Variants in THADA observed in about 807,000 individuals in gnomAD.
The protein encoded by THADA is THADA armadillo repeat containing.
THADA carries 213 observed loss-of-function variants against 219.8 expected under a neutral mutation model. The observed-to-expected ratio is 0.97, with a 90% CI of 0.87 to 1.09. The LOEUF is 1.09. THADA is among the 50% of genes least tolerant of loss of function. The probability of loss-of-function intolerance (pLI) is 0.00; values close to 1 mark genes in which losing one functional copy is unlikely to be tolerated. For missense variants in THADA, 2,956 were observed against 2,311.3 expected (o/e 1.28, Z -5.72); for synonymous variants, 1,018 against 828.9 (o/e 1.23, Z -3.92).
At chr2:43,525,247 A>G (rs114208767) in intron 22 of THADA, among the ~76,000 whole-genome samples, 3,254 of 152,330 alleles carry the variant, frequency 0.021, 43 homozygotes, top group African/African-American at 0.044. Context: ...AACCTCTACT[A>G]TTCACATTCA....
At chr2:43,380,836 C>T (rs754053546) in intron 29 of THADA, among the ~76,000 whole-genome samples, 3 of 152,120 alleles carry the variant, frequency 2.0e-5, no homozygotes, top group Admixed American at 6.5e-5. Flanking sequence ...CGGTGGCTCA[C>T]GCCTGTAATC....
At chr2:43,518,012 A>T (rs1338281730) in intron 22 of THADA, among the ~76,000 whole-genome samples, 3 of 152,168 alleles carry the variant, frequency 2.0e-5, no homozygotes, top group African/African-American at 7.2e-5. Context: ...CTGAAATATT[A>T]CTTTAGTCTA....
In THADA at chr2:43,261,434, G is replaced by C. The variant is rs1572819230; in HGVS notation, c.5296+18331C>G. 6.0e-5 allele frequency among the ~76,000 whole-genome samples: 9 copies of C among 150,524 alleles called. No individual in the cohort carries two copies. The South Asian group carries it at 1.9e-3, about 32-fold the overall frequency. ...AGATGGGGTTTCGCCATGTTGCCTGGTTTGTGCTTTTTTTTGTTTGAGACA... is the reference window on the plus strand; with the variant it reads ...AGATGGGGTTTCGCCATGTTGCCTGCTTTGTGCTTTTTTTTGTTTGAGACA... On this transcript the variant is annotated intron_variant, in intron 36 of 37. Coordinates refer to ENST00000405975, the MANE Select transcript of THADA (RefSeq NM_022065.5).
rs757561264 is a variant in THADA at position 43,566,780 on chromosome 2, C to T, written c.2229G>A (p.Leu743=). 1 of 1,482,868 alleles carries T rather than the reference C, an allele frequency of 6.7e-7. No homozygotes were observed. Among genetic ancestry groups the T allele is most frequent in the East Asian group, 2.4e-5 (1 of 41,284 alleles). The allele number at this position is 1,482,868 out of a possible 1,614,324, so 91.9% of individuals were successfully genotyped here. The change falls in exon 15 of 38, where the codon TTG becomes TTA. Residue 743 remains leucine (L), a synonymous_variant. Transcript: ENST00000405975. ...TAGTCGAGTAGGAAGATCCAGGAAA[C>T]AATGCTTCAAAAAGACTGTTACAAA... ...SSICNSLFEA[L]FPGSSYSTRF... is the part of the protein sequence containing the mutation.
intron 26 of THADA, among the ~76,000 whole-genome samples, chr2:43,446,839 A>G (rs78191305): frequency 0.11 from 16,858 of 152,202 alleles, 1,069 homozygotes; most frequent in African/African-American, 0.16. Context: ...TAGTTCTAGA[A>G]GTCAGAAGTC....
chr2:43,369,303 A>T (rs1670531148), intron 29 of THADA, among the ~76,000 whole-genome samples: 1 of 152,146 alleles, frequency 6.6e-6, no homozygotes, highest in Non-Finnish European at 1.5e-5. Context: ...GACCAGGATC[A>T]CCCTTCCTAG....
chr2:43,442,089 G>A (rs1160004848), intron 26 of THADA, among the ~76,000 whole-genome samples: 2 of 152,088 alleles, frequency 1.3e-5, no homozygotes, highest in African/African-American at 4.8e-5. Context: ...GTTTGGAGTT[G>A]GAAAATATAT....
At chr2:43,267,464 AC>A (rs1427114081) in intron 36 of THADA, among the ~76,000 whole-genome samples, 1 of 152,122 alleles carries the variant, frequency 6.6e-6, no homozygotes, top group Non-Finnish European at 1.5e-5. Context: ...ATCTCCCAAA[AC>A]CCAGTCTTTC....
At chr2:43,472,800 T>C (rs1156659496) in intron 26 of THADA, among the ~76,000 whole-genome samples, 1 of 152,184 alleles carries the variant, frequency 6.6e-6, no homozygotes. Context: ...ACTCCTATGC[T>C]ACAAACCTGT....
chr2:43,310,512 C>T (rs1677386328), intron 31 of THADA, among the ~76,000 whole-genome samples: 1 of 152,092 alleles, frequency 6.6e-6, no homozygotes, highest in Admixed American at 6.6e-5. Context: ...TTTTGAAATA[C>T]AGTGCTAGGA....
chr2:43,334,673 G>A (rs920380807), intron 30 of THADA, among the ~76,000 whole-genome samples: 2 of 152,014 alleles, frequency 1.3e-5, no homozygotes, highest in African/African-American at 4.8e-5. Context: ...TACTCGGGAG[G>A]CTCAGGCAGG....
chr2:43,455,522 A>T (rs34640832), intron 26 of THADA, among the ~76,000 whole-genome samples: 77,185 of 148,308 alleles, frequency 0.52, 20,250 homozygotes, highest in South Asian at 0.61. Context: ...TCTCTCTCAC[A>T]CACACACACA....
At chr2:43,447,017 G>C (rs1681661067) in intron 26 of THADA, among the ~76,000 whole-genome samples, 1 of 152,130 alleles carries the variant, frequency 6.6e-6, no homozygotes, top group South Asian at 2.1e-4. Flanking sequence ...AAATACCCGA[G>C]ACTGAATAAT....
At chr2:43,515,452 G>T (rs1254038108) in intron 22 of THADA, among the ~76,000 whole-genome samples, 1 of 117,092 alleles carries the variant, frequency 8.5e-6, no homozygotes, top group Non-Finnish European at 1.7e-5. Flanking sequence ...GAATTCTAAC[G>T]AATTCGTGAC....
At chr2:43,382,529 A>C (rs920230291) in intron 29 of THADA, among the ~76,000 whole-genome samples, 1 of 152,238 alleles carries the variant, frequency 6.6e-6, no homozygotes, top group Non-Finnish European at 1.5e-5. Flanking sequence ...TTCAAGAAAT[A>C]CCAAGCAAAA....
intron 21 of THADA, among the ~76,000 whole-genome samples, chr2:43,529,823 A>G (rs768548737): frequency 1.3e-5 from 2 of 152,220 alleles, no homozygotes; most frequent in African/African-American, 2.4e-5. Context: ...TAGAGATGAT[A>G]AACAGTAGAA....
At position 43,571,813 on chromosome 2, in the gene THADA, T is replaced by C; in HGVS notation, c.1958A>G (p.Glu653Gly). 6.2e-7 allele frequency: 1 copy of C among 1,613,994 alleles called. No individual in the cohort carries two copies. The highest frequency in any genetic ancestry group is 8.5e-7 in the Non-Finnish European group (1 of 1,179,876). Residue 653 changes from glutamate to glycine, a missense_variant, in exon 13 of 38, where the codon GAA becomes GGA. Transcript: ENST00000405975. Reference protein sequence around the residue: ...GLLCESNRSTEIVSMEEMQWI... With the variant: ...GLLCESNRSTGIVSMEEMQWI... Reference sequence around the variant, plus strand: ...CTGCATTTCTTCCATGGAAACAATTTCTGTGCTCCGATTACTTTCACAAAG... The same window carrying C: ...CTGCATTTCTTCCATGGAAACAATTCCTGTGCTCCGATTACTTTCACAAAG...
chr2:43,479,115 T>A (rs1471731980), intron 26 of THADA, among the ~76,000 whole-genome samples: 1 of 152,208 alleles, frequency 6.6e-6, no homozygotes. Flanking sequence ...TAACTTACTT[T>A]CAAATCATTA....
At chr2:43,327,457 G>T (rs1679461053) in intron 30 of THADA, among the ~76,000 whole-genome samples, 1 of 139,982 alleles carries the variant, frequency 7.1e-6, no homozygotes, top group African/African-American at 2.6e-5. Flanking sequence ...GGTGAGAAGG[G>T]GAGTGGGGGG....
Sources: allele counts gnomAD v4.1 joint callset (sites outside exome capture counted in the v4.1 genomes callset), GRCh38; gene constraint gnomAD v4.1.1; transcripts MANE v1.5; gene names NCBI Gene and HGNC (gene_info 2026-07-23, HGNC 2026-07-21).